PDE4D: variants seen among roughly 807,000 people sequenced by gnomAD.
PDE4D encodes the protein 3',5'-cyclic-AMP phosphodiesterase 4D.
Under a neutral mutation model 87.4 loss-of-function variants are expected in PDE4D, and 24 were observed. The ratio of observed to expected loss-of-function variants is 0.27; its 90% CI spans 0.20 to 0.39. PDE4D has a LOEUF of 0.39. Ranked by LOEUF, PDE4D falls within the 10% of genes least tolerant of loss-of-function variation. The probability of loss-of-function intolerance (pLI) is 1.00; values close to 1 mark genes in which losing one functional copy is unlikely to be tolerated. For synonymous variants in PDE4D, 384 were observed against 383.2 expected (o/e 1.00, Z -0.02); for missense variants, 714 against 1,041.0 (o/e 0.69, Z 4.32).
chr5:60,262,812 A>C (rs1199620687), intron 1 of PDE4D, among the ~76,000 whole-genome samples: 1 of 152,120 alleles, frequency 6.6e-6, no homozygotes, highest in Non-Finnish European at 1.5e-5. Flanking sequence ...ATTGTTTCAC[A>C]CTAAGGGTGG....
At chr5:59,653,114 C>T (rs1365853635) in intron 1 of PDE4D, among the ~76,000 whole-genome samples, 1 of 150,986 alleles carries the variant, frequency 6.6e-6, no homozygotes, top group East Asian at 1.9e-4. Flanking sequence ...TCCAACATTT[C>T]AAAACTGAAA....
chr5:60,455,752 A>G (rs1208483177), intron 1 of PDE4D, among the ~76,000 whole-genome samples: 1 of 152,194 alleles, frequency 6.6e-6, no homozygotes, highest in East Asian at 1.9e-4. Flanking sequence ...TCTAGTACCT[A>G]CAGCATTAGA....
At chr5:59,843,709 C>G (rs1247267377) in intron 1 of PDE4D, among the ~76,000 whole-genome samples, 1 of 152,056 alleles carries the variant, frequency 6.6e-6, no homozygotes, top group Non-Finnish European at 1.5e-5. Flanking sequence ...ATAAACAGCA[C>G]TTGGCACCTC....
intron 6 of PDE4D, among the ~76,000 whole-genome samples, chr5:59,005,549 G>A (rs1478679518): frequency 6.6e-6 from 1 of 152,132 alleles, no homozygotes; most frequent in African/African-American, 2.4e-5. Flanking sequence ...AGAGAATCTA[G>A]ATAATTTAGA....
intron 5 of PDE4D, among the ~76,000 whole-genome samples, chr5:59,072,802 A>T (rs148870441): frequency 6.6e-6 from 1 of 152,148 alleles, no homozygotes; most frequent in Non-Finnish European, 1.5e-5. Context: ...TAATGATTTA[A>T]CATTGAAACA....
chr5:59,497,840 A>G (rs916796006), intron 1 of PDE4D, among the ~76,000 whole-genome samples: 1 of 152,064 alleles, frequency 6.6e-6, no homozygotes, highest in South Asian at 2.1e-4. Context: ...GAAGAATACT[A>G]TATAATATGA....
intron 1 of PDE4D, among the ~76,000 whole-genome samples, chr5:60,432,095 G>C (rs1407303344): frequency 6.6e-6 from 1 of 151,874 alleles, no homozygotes; most frequent in African/African-American, 2.4e-5. Flanking sequence ...TGGGGAGAAG[G>C]AGAGGGAGAG....
At chr5:59,280,409 A>G (rs989385106) in intron 1 of PDE4D, among the ~76,000 whole-genome samples, 7 of 152,142 alleles carry the variant, frequency 4.6e-5, no homozygotes, top group African/African-American at 1.7e-4. Context: ...TTGACATAAA[A>G]TGAATTTTGT....
intron 1 of PDE4D, among the ~76,000 whole-genome samples, chr5:59,697,648 T>C (rs760962196): frequency 4.6e-5 from 7 of 152,134 alleles, no homozygotes; most frequent in Non-Finnish European, 1.0e-4. Flanking sequence ...GTCACACAGG[T>C]TGTGAGCCAA....
chr5:59,002,244 T>G (rs911323487), intron 6 of PDE4D, among the ~76,000 whole-genome samples: 22 of 152,240 alleles, frequency 1.4e-4, no homozygotes, highest in African/African-American at 5.1e-4. Context: ...AAATCTTTTG[T>G]GCACAATCAC....
At chr5:59,168,708 GAAAA>G (rs923689788) in intron 5 of PDE4D, among the ~76,000 whole-genome samples, 1 of 151,936 alleles carries the variant, frequency 6.6e-6, no homozygotes, top group Non-Finnish European at 1.5e-5. Context: ...GAAGGAGAGA[GAAAA>G]AAAAGAAGAG....
chr5:59,829,898 TA>T (rs1740922238), intron 1 of PDE4D, among the ~76,000 whole-genome samples: 1 of 152,032 alleles, frequency 6.6e-6, no homozygotes, highest in Non-Finnish European at 1.5e-5. Flanking sequence ...CTTCTTTCTT[TA>T]AAATACCCTG....
chr5:59,391,580 G>T (rs389324), intron 1 of PDE4D, among the ~76,000 whole-genome samples: 101,289 of 151,882 alleles, frequency 0.67, 34,465 homozygotes, highest in African/African-American at 0.78. Context: ...GGAGTCAGAG[G>T]GATCTTGTTA....
rs560287728 is a variant in PDE4D at position 59,578,357 on chromosome 5, G to C, written c.455+314811C>G. Among the ~76,000 whole-genome samples, 6 of 152,192 alleles carry C rather than the reference G, an allele frequency of 3.9e-5. No individual in the cohort carries two copies. In the South Asian group the frequency reaches 1.2e-3, roughly 32 times the overall value. ...AACAACAACAATTAAGATCAACTCT[G>C]TATTCTTTGGAATCCCAAGAAACAC... On this transcript the variant is annotated intron_variant, in intron 1 of 14. Coordinates refer to ENST00000340635, the MANE Select transcript of PDE4D (RefSeq NM_001104631.2).
At chr5:59,797,135 A>G (rs920934410) in intron 1 of PDE4D, 1 of 67,598 alleles carries the variant, frequency 1.5e-5, no homozygotes, top group Admixed American at 1.2e-4. Context: ...CATTCTCTCT[A>G]AAAAAAAAAA....
chr5:59,320,401 A>T (rs924451030), intron 1 of PDE4D, among the ~76,000 whole-genome samples: 1 of 152,052 alleles, frequency 6.6e-6, no homozygotes. Context: ...ATGTTTTCAG[A>T]CTTTATAGAA....
At chr5:59,111,923 G>C (rs773039100) in intron 5 of PDE4D, among the ~76,000 whole-genome samples, 1 of 152,088 alleles carries the variant, frequency 6.6e-6, no homozygotes, top group Non-Finnish European at 1.5e-5. Context: ...AATAGGCGAA[G>C]ATTGTTCCAC....
chr5:60,115,563 G>T (rs1778097479), intron 2 of PDE4D, among the ~76,000 whole-genome samples: 2 of 152,036 alleles, frequency 1.3e-5, no homozygotes, highest in South Asian at 4.2e-4. Flanking sequence ...ACAATATAAT[G>T]CTATAATCTA....
At chr5:60,428,658 T>G (rs1743928015) in intron 1 of PDE4D, among the ~76,000 whole-genome samples, 1 of 152,190 alleles carries the variant, frequency 6.6e-6, no homozygotes, top group Admixed American at 6.5e-5. Context: ...CAAATAGTAT[T>G]TACTTCTCAC....
Sources: gnomAD v4.1 joint callset for allele counts (sites outside exome capture counted in the v4.1 genomes callset) on GRCh38, gnomAD v4.1.1 for gene constraint, MANE v1.5 for transcripts, NCBI Gene and HGNC (gene_info 2026-07-23, HGNC 2026-07-21) for gene names.